Variants in CBFA2T3 observed in about 807,000 individuals in gnomAD.
The protein encoded by CBFA2T3 is CBFA2/RUNX1 partner transcriptional co-repressor 3.
CBFA2T3 carries 31 observed loss-of-function variants against 58.6 expected under a neutral mutation model. The ratio of observed to expected loss-of-function variants is 0.53; its 90% confidence interval spans 0.40 to 0.71. The LOEUF (loss-of-function observed/expected upper bound fraction) is 0.71. CBFA2T3 is among the 30% of genes least tolerant of loss of function. The pLI, the probability that CBFA2T3 is intolerant of heterozygous loss-of-function variation, is 0.00. For synonymous variants in CBFA2T3, 531 were observed against 421.9 expected (o/e 1.26, Z -3.17); for missense variants, 1,076 against 963.1 (o/e 1.12, Z -1.55).
intron 1 of CBFA2T3, among the ~76,000 whole-genome samples, chr16:88,967,193 C>T (rs953218371): frequency 1.7e-5 from 2 of 116,818 alleles, no homozygotes; most frequent in African/African-American, 3.2e-5. Context: ...CACTCGGCCC[C>T]GACACGAGGC....
Position 88,886,251 on chromosome 16 carries a change from G to A in CBFA2T3, c.712-109C>T, listed in dbSNP as rs559773939. 1.6e-4 allele frequency: 115 copies of A among 717,484 alleles called. No homozygotes were observed. In the East Asian group the frequency reaches 3.2e-3, roughly 20 times the overall value. 44.4% of individuals were successfully genotyped at this position (717,484 alleles called of 1,614,324 possible). On this transcript the variant is annotated intron_variant, in intron 5 of 11. Transcript: ENST00000268679. ...GTGGCCGAAAGCTCAACTTGACCTC[G>A]GGCCTCAAAGGTCAAGGTGCTCGAC... is the stretch of plus-strand genomic sequence containing the variant.
chr16:88,919,899 C>T (rs1006390300), intron 1 of CBFA2T3, among the ~76,000 whole-genome samples: 2 of 152,220 alleles, frequency 1.3e-5, no homozygotes, highest in Non-Finnish European at 2.9e-5. Flanking sequence ...CCAATGATAG[C>T]GTCTCCCTGG....
chr16:88,880,365 G>A (rs1294264681), intron 10 of CBFA2T3, among the ~76,000 whole-genome samples: 2 of 152,186 alleles, frequency 1.3e-5, no homozygotes, highest in East Asian at 3.9e-4. Flanking sequence ...TCAGCTCCAC[G>A]TCTGCCCCTG....
intron 1 of CBFA2T3, among the ~76,000 whole-genome samples, chr16:88,912,583 C>G (rs1970564903): frequency 6.6e-6 from 1 of 152,222 alleles, no homozygotes; most frequent in Admixed American, 6.5e-5. Context: ...TTTTTCTTCT[C>G]CAGCCACTCG....
chr16:88,956,763 T>A (rs150711352), intron 1 of CBFA2T3, among the ~76,000 whole-genome samples: 16 of 152,336 alleles, frequency 1.1e-4, no homozygotes, highest in African/African-American at 3.8e-4. Flanking sequence ...CATCTGCTCC[T>A]CGGCTGCTTT....
intron 2 of CBFA2T3, among the ~76,000 whole-genome samples, chr16:88,900,978 C>G (rs545875050): frequency 1.3e-5 from 2 of 152,372 alleles, no homozygotes; most frequent in Admixed American, 6.5e-5. Flanking sequence ...GGCCCCCGTG[C>G]TCAGCCGGGC....
intron 1 of CBFA2T3, among the ~76,000 whole-genome samples, chr16:88,902,791 T>A (rs1048174410): frequency 1.3e-5 from 2 of 152,160 alleles, no homozygotes; most frequent in Non-Finnish European, 2.9e-5. Flanking sequence ...AGCAGCAAGG[T>A]AGGCATCCTC....
At chr16:88,946,362 T>C (rs1971901992) in intron 1 of CBFA2T3, among the ~76,000 whole-genome samples, 1 of 152,030 alleles carries the variant, frequency 6.6e-6, no homozygotes, top group African/African-American at 2.4e-5. Context: ...CTGAAAAGGC[T>C]ATATACTGTC....
chr16:88,950,156 C>T (rs1302471839), intron 1 of CBFA2T3: 3 of 455,536 alleles, frequency 6.6e-6, no homozygotes, highest in East Asian at 7.0e-5. Flanking sequence ...GCTTGTTCTG[C>T]GTTTCCCTGT....
intron 10 of CBFA2T3, 104 bp downstream of exon 10, chr16:88,880,616 C>T (rs1969029045): frequency 1.0e-6 from 1 of 965,952 alleles, no homozygotes; most frequent in South Asian, 1.5e-5. Flanking sequence ...AGCCTGAGCC[C>T]CCAGAGAGAG....
intron 7 of CBFA2T3, chr16:88,883,850 A>T (rs1351834192): frequency 2.0e-5 from 3 of 152,262 alleles, no homozygotes; most frequent in Non-Finnish European, 4.4e-5. Context: ...ACTTCTGGAG[A>T]CATCAGAGGC....
chr16:88,913,448 C>G (rs969847565), intron 1 of CBFA2T3, among the ~76,000 whole-genome samples: 1 of 152,244 alleles, frequency 6.6e-6, no homozygotes, highest in Non-Finnish European at 1.5e-5. Context: ...CGATAGCTGA[C>G]TGATACACTT....
chr16:88,975,596 T>A (rs1007633487), intron 1 of CBFA2T3, among the ~76,000 whole-genome samples: 2 of 152,250 alleles, frequency 1.3e-5, no homozygotes, highest in Non-Finnish European at 1.5e-5. Flanking sequence ...TGGTGCTGCC[T>A]TGAAGGTGGC....
At chr16:88,894,698 A>G (rs908571409) in intron 3 of CBFA2T3, among the ~76,000 whole-genome samples, 3 of 152,136 alleles carry the variant, frequency 2.0e-5, no homozygotes, top group Non-Finnish European at 2.9e-5. Context: ...CAGGGGATCC[A>G]CCCCTCACCC....
intron 2 of CBFA2T3, among the ~76,000 whole-genome samples, chr16:88,900,985 G>C (rs185707467): frequency 6.6e-6 from 1 of 152,256 alleles, no homozygotes; most frequent in East Asian, 1.9e-4. Context: ...GTGCTCAGCC[G>C]GGCTGTGGAG....
In CBFA2T3 at chr16:88,971,747, A is replaced by C. The variant is rs566883794; in HGVS notation, c.151+4910T>G. ...GCCTCTCTTTTCCCTGCTTCTCTCC[A>C]GCTGCCCCTGGCCGACGTCTCCTCG... On this transcript the variant is annotated intron_variant, in intron 1 of 11. Coordinates refer to ENST00000268679, the MANE Select transcript of CBFA2T3 (RefSeq NM_005187.6). Among the ~76,000 whole-genome samples the C allele has an allele frequency of 3.9e-5, 6 of 152,294 alleles. No individual in the cohort carries two copies. In the South Asian group the frequency reaches 1.2e-3, roughly 32 times the overall value.
intron 1 of CBFA2T3, among the ~76,000 whole-genome samples, chr16:88,923,112 G>A (rs1323817008): frequency 6.6e-6 from 1 of 152,224 alleles, no homozygotes. Context: ...CGCCAAATGT[G>A]GAGGGAGAGA....
chr16:88,881,603 G>A, intron 8 of CBFA2T3, 114 bp from the exon 9 acceptor site: 11 of 1,056,616 alleles, frequency 1.0e-5, no homozygotes, highest in Admixed American at 2.5e-5. Flanking sequence ...CCAGCCCACC[G>A]CCCGTGAGAG....
At chr16:88,970,998 G>A (rs999727539) in intron 1 of CBFA2T3, among the ~76,000 whole-genome samples, 3 of 152,158 alleles carry the variant, frequency 2.0e-5, no homozygotes, top group South Asian at 4.1e-4. Context: ...TTGTGGAGCC[G>A]CCAGGCAGCC....
Sources: gnomAD v4.1 joint callset for allele counts (sites outside exome capture counted in the v4.1 genomes callset) on GRCh38, gnomAD v4.1.1 for gene constraint, MANE v1.5 for transcripts, NCBI Gene and HGNC (gene_info 2026-07-23, HGNC 2026-07-21) for gene names.